Variants in WWOX observed in about 807,000 individuals in gnomAD.
The protein encoded by WWOX is WW domain containing oxidoreductase, also known as WW domain-containing oxidoreductase.
WWOX carries 69 observed loss-of-function variants against 46.2 expected under a neutral mutation model. The observed-to-expected ratio is 1.49, with a 90% CI of 1.23 to 1.82. The LOEUF (loss-of-function observed/expected upper bound fraction) is 1.82. Among genes scored for constraint, WWOX ranks in the 40% most tolerant of loss-of-function variants. WWOX has a pLI of 0.00. For missense variants in WWOX, 919 were observed against 542.6 expected, an observed-to-expected ratio of 1.69 and a Z score of -6.89; for synonymous variants, 359 against 202.6, an observed-to-expected ratio of 1.77 and a Z score of -6.56.
chr16:78,296,190 T>G (rs1377428202), intron 5 of WWOX, among the ~76,000 whole-genome samples: 10 of 152,216 alleles, frequency 6.6e-5, no homozygotes, highest in Admixed American at 6.5e-4. Flanking sequence ...AGCCTTACTT[T>G]GAATGTCTTT....
At chr16:78,183,249 AT>A (rs1351691468) in intron 5 of WWOX, among the ~76,000 whole-genome samples, 11 of 152,134 alleles carry the variant, frequency 7.2e-5, no homozygotes, top group Non-Finnish European at 1.2e-4. Flanking sequence ...CTAGGGGTCT[AT>A]GTGTGTATGT....
intron 8 of WWOX, among the ~76,000 whole-genome samples, chr16:78,781,411 C>T (rs1421622107): frequency 6.6e-6 from 1 of 152,152 alleles, no homozygotes; most frequent in African/African-American, 2.4e-5. Flanking sequence ...CCCCCTCCCA[C>T]CTCTAGCCCA....
At chr16:78,679,348 C>T (rs574629603) in intron 8 of WWOX, among the ~76,000 whole-genome samples, 6 of 152,066 alleles carry the variant, frequency 3.9e-5, no homozygotes, top group African/African-American at 9.7e-5. Context: ...GTCAGGAGTT[C>T]GAGACCAGCT....
At chr16:78,841,894 A>T (rs1160611916) in intron 8 of WWOX, among the ~76,000 whole-genome samples, 1 of 152,152 alleles carries the variant, frequency 6.6e-6, no homozygotes, top group African/African-American at 2.4e-5. Context: ...TTTTGAAACG[A>T]GGGTCTCGAT....
chr16:78,843,481 G>A (rs1229474277), intron 8 of WWOX, among the ~76,000 whole-genome samples: 1 of 149,876 alleles, frequency 6.7e-6, no homozygotes, highest in Non-Finnish European at 1.5e-5. Flanking sequence ...CCTAAGCTTT[G>A]GGCATTAGCA....
rs372607327 is a variant in WWOX, at chr16:78,406,260, GGAT to G, written c.606-18603_606-18601del. 2.9e-3 allele frequency among the ~76,000 whole-genome samples: 398 copies of G among 135,678 alleles called. 2 individuals are homozygous for G. Among genetic ancestry groups the G allele is most frequent in the South Asian group, 4.6e-3 (19 of 4,102 alleles). The allele number at this position is 135,678 out of a possible 152,430, so 89.0% of individuals were successfully genotyped here. On this transcript the variant is annotated intron_variant, in intron 6 of 8. Transcript: ENST00000566780. ...ACTATTTGTGAAATTGATTTTGTGA[GGAT>G]GATGATATAATTTCCATTACATTAC...
rs146728052 is a variant in WWOX at position 79,015,845 on chromosome 16, G to C, written c.1057-195763G>C. 4.6e-3 allele frequency among the ~76,000 whole-genome samples: 704 copies of C among 152,258 alleles called. 6 individuals are homozygous for C. The highest frequency in any genetic ancestry group is 0.016 in the African/African-American group (663 of 41,542). On this transcript the variant is annotated intron_variant, in intron 8 of 8. Transcript: ENST00000566780. ...TGGCTCACTGCAACCCCCGCCTCCC[G>C]GGTTCATGTGATTGTCCTGCCTCAG... is the stretch of plus-strand genomic sequence containing the variant.
intron 8 of WWOX, among the ~76,000 whole-genome samples, chr16:78,943,543 C>T (rs2045893335): frequency 6.6e-6 from 1 of 152,148 alleles, no homozygotes; most frequent in African/African-American, 2.4e-5. Context: ...AGCAGCCTTG[C>T]TCTTGCAGTT....
intron 5 of WWOX, among the ~76,000 whole-genome samples, chr16:78,301,379 C>G (rs76006696): frequency 0.033 from 4,980 of 152,144 alleles, 279 homozygotes; most frequent in African/African-American, 0.11. Context: ...ACTGTGTATA[C>G]TACTAATTTT....
chr16:78,537,721 G>C (rs983228306), intron 8 of WWOX, among the ~76,000 whole-genome samples: 9 of 152,166 alleles, frequency 5.9e-5, no homozygotes, highest in African/African-American at 2.2e-4. Context: ...TGTAGGGGTA[G>C]ACCAGTGCTT....
intron 5 of WWOX, among the ~76,000 whole-genome samples, chr16:78,275,841 T>C (rs2079566307): frequency 6.6e-6 from 1 of 152,202 alleles, no homozygotes; most frequent in African/African-American, 2.4e-5. Context: ...TTTTGCAGCA[T>C]GTCTGGTCCC....
intron 8 of WWOX, among the ~76,000 whole-genome samples, chr16:78,977,087 G>A (rs1354252254): frequency 2.0e-5 from 3 of 152,188 alleles, no homozygotes; most frequent in Admixed American, 2.0e-4. Context: ...CCTTTTTGAT[G>A]CCTCCAGGCA....
chr16:78,150,366 T>C (rs1359430723), intron 4 of WWOX, among the ~76,000 whole-genome samples: 1 of 152,060 alleles, frequency 6.6e-6, no homozygotes, highest in Non-Finnish European at 1.5e-5. Context: ...CCCTATCGTT[T>C]AGGTTTTTGT....
At chr16:78,920,527 A>T (rs139988978) in intron 8 of WWOX, among the ~76,000 whole-genome samples, 45 of 152,288 alleles carry the variant, frequency 3.0e-4, no homozygotes, top group African/African-American at 1.1e-3. Context: ...CTTGTCAGTC[A>T]CGTAGAAAGC....
intron 8 of WWOX, among the ~76,000 whole-genome samples, chr16:79,058,515 A>AAGG (rs1251759860): frequency 6.6e-6 from 1 of 152,286 alleles, no homozygotes. Flanking sequence ...GAAGGAAGGA[A>AAGG]AGGAGGGAGG....
chr16:78,228,070 T>G (rs2037127121), intron 5 of WWOX, among the ~76,000 whole-genome samples: 1 of 151,916 alleles, frequency 6.6e-6, no homozygotes, highest in Non-Finnish European at 1.5e-5. Flanking sequence ...CCCAGGGCTA[T>G]GGGGAGAGGA....
intron 1 of WWOX, among the ~76,000 whole-genome samples, chr16:78,105,720 T>A (rs113385350): frequency 0.082 from 12,485 of 152,252 alleles, 1,081 homozygotes; most frequent in African/African-American, 0.22. Flanking sequence ...AGCTTCACCT[T>A]CTAAGGGCTG....
intron 8 of WWOX, among the ~76,000 whole-genome samples, chr16:78,948,364 T>C (rs1263801983): frequency 1.3e-5 from 2 of 152,210 alleles, no homozygotes; most frequent in Non-Finnish European, 2.9e-5. Flanking sequence ...TGATGTTGCA[T>C]AGAGCACTCA....
At chr16:78,470,162 G>A (rs964155778) in intron 8 of WWOX, among the ~76,000 whole-genome samples, 11 of 152,200 alleles carry the variant, frequency 7.2e-5, no homozygotes, top group Admixed American at 5.2e-4. Context: ...GTGGCTTCCA[G>A]CACTGCCCTG....
Sources: gnomAD v4.1 joint callset for allele counts (sites outside exome capture counted in the v4.1 genomes callset) on GRCh38, gnomAD v4.1.1 for gene constraint, MANE v1.5 for transcripts, NCBI Gene and HGNC (gene_info 2026-07-23, HGNC 2026-07-21) for gene names.